NUBPL: variants seen among roughly 807,000 people sequenced by gnomAD.
NUBPL encodes NUBP iron-sulfur cluster assembly factor, mitochondrial.
NUBPL carries 31 observed loss-of-function variants against 45.7 expected under a neutral mutation model. That is an observed-to-expected ratio of 0.68 (90% CI 0.51 to 0.92). The LOEUF is 0.92. NUBPL is among the 40% of genes least tolerant of loss of function. The pLI is 0.00. For missense variants in NUBPL, 401 were observed against 398.7 expected (o/e 1.01, Z -0.05); for synonymous variants, 144 against 140.9 (o/e 1.02, Z -0.15).
chr14:31,755,088 C>T (rs2038627768), intron 6 of NUBPL, among the ~76,000 whole-genome samples: 4 of 151,772 alleles, frequency 2.6e-5, no homozygotes, highest in African/African-American at 9.7e-5. Flanking sequence ...TTTCTTAATC[C>T]AGTCTATCAT....
intron 6 of NUBPL, among the ~76,000 whole-genome samples, chr14:31,741,805 C>G (rs893779472): frequency 1.4e-5 from 2 of 146,668 alleles, no homozygotes; most frequent in Non-Finnish European, 2.9e-5. Flanking sequence ...GTCTACCTGT[C>G]TAATTTTTGG....
At chr14:31,727,128 G>T (rs2139965994) in intron 6 of NUBPL, among the ~76,000 whole-genome samples, 1 of 152,260 alleles carries the variant, frequency 6.6e-6, no homozygotes, top group South Asian at 2.1e-4. Context: ...AGAAAATAGT[G>T]TCATTTAAGG....
intron 7 of NUBPL, among the ~76,000 whole-genome samples, chr14:31,810,053 G>T (rs1446051247): frequency 2.0e-5 from 3 of 152,070 alleles, no homozygotes; most frequent in Non-Finnish European, 4.4e-5. Context: ...GGTCAATTTT[G>T]GAATAAGTGT....
intron 6 of NUBPL, among the ~76,000 whole-genome samples, chr14:31,690,939 T>G (rs954218048): frequency 6.6e-6 from 1 of 152,168 alleles, no homozygotes; most frequent in South Asian, 2.1e-4. Flanking sequence ...CAACATGGCA[T>G]AAGGATTTTG....
chr14:31,716,470 T>C lies in NUBPL; in HGVS notation c.513+42896T>C, dbSNP rs115214381. Among the ~76,000 whole-genome samples, 991 of 152,310 alleles carry C rather than the reference T, an allele frequency of 6.5e-3. 12 individuals carry two copies. Among genetic ancestry groups the C allele is most frequent in the African/African-American group, 0.022 (926 of 41,566 alleles). On this transcript the variant is annotated intron_variant, in intron 6 of 10. Coordinates refer to ENST00000281081, the MANE Select transcript of NUBPL (RefSeq NM_025152.3). Reference sequence around the variant, plus strand: ...TTGTGCTATGATGTTAAGACAGTTATGACTTTACAACAGCTATGATGTCAC... The same window carrying C: ...TTGTGCTATGATGTTAAGACAGTTACGACTTTACAACAGCTATGATGTCAC...
At chr14:31,669,110 A>G (rs1435004278) in intron 4 of NUBPL, among the ~76,000 whole-genome samples, 1 of 151,946 alleles carries the variant, frequency 6.6e-6, no homozygotes, top group Non-Finnish European at 1.5e-5. Context: ...TGACTCTCGA[A>G]CTTCAGCCTC....
chr14:31,636,520 A>T (rs1042185509), intron 4 of NUBPL, among the ~76,000 whole-genome samples: 2 of 152,086 alleles, frequency 1.3e-5, no homozygotes, highest in Non-Finnish European at 2.9e-5. Flanking sequence ...TTTTGCATCA[A>T]TGTTCATCAA....
intron 7 of NUBPL, among the ~76,000 whole-genome samples, chr14:31,820,913 G>A (rs1164723163): frequency 6.6e-6 from 1 of 150,408 alleles, no homozygotes; most frequent in Non-Finnish European, 1.5e-5. Context: ...CTGAGGTCAG[G>A]GGTTCGAGAC....
chr14:31,835,774 T>G (rs2040272107), intron 8 of NUBPL, among the ~76,000 whole-genome samples: 1 of 152,182 alleles, frequency 6.6e-6, no homozygotes, highest in Non-Finnish European at 1.5e-5. Flanking sequence ...TTTTTAAAAC[T>G]TATAACATCC....
chr14:31,627,969 ATTGT>A (rs796527025), intron 4 of NUBPL, among the ~76,000 whole-genome samples: 6 of 152,290 alleles, frequency 3.9e-5, no homozygotes, highest in African/African-American at 1.4e-4. Context: ...GAAGAGTGGC[ATTGT>A]TTATGTTTTT....
intron 4 of NUBPL, among the ~76,000 whole-genome samples, chr14:31,629,833 T>G (rs1321967253): frequency 1.3e-5 from 2 of 152,168 alleles, no homozygotes; most frequent in African/African-American, 4.8e-5. Flanking sequence ...TCAGTTTCCC[T>G]CTTCCTGTCA....
rs565699914 is a variant in NUBPL, at chr14:31,670,338, C to T, written c.383-3017C>T. On this transcript the variant is annotated intron_variant, in intron 4 of 10. Transcript: ENST00000281081. ...CTTTTAATGGGGTTGTTTTTCTCTT[C>T]TAAATTTAACTTCCTTATAGAGGCT... is the stretch of plus-strand genomic sequence containing the variant. 6.6e-5 allele frequency among the ~76,000 whole-genome samples: 10 copies of T among 151,736 alleles called. 1 individual carries two copies. The East Asian group carries it at 1.7e-3, about 26-fold the overall frequency.
chr14:31,668,147 A>G (rs992453843), intron 4 of NUBPL, among the ~76,000 whole-genome samples: 4 of 152,222 alleles, frequency 2.6e-5, no homozygotes, highest in African/African-American at 4.8e-5. Flanking sequence ...AGTCAGCTGA[A>G]GCTGCATCCA....
chr14:31,808,215 G>T (rs2039728545), intron 7 of NUBPL, among the ~76,000 whole-genome samples: 1 of 152,174 alleles, frequency 6.6e-6, no homozygotes, highest in Non-Finnish European at 1.5e-5. Context: ...CCCTTGGGCA[G>T]TATGGCCATT....
intron 7 of NUBPL, among the ~76,000 whole-genome samples, chr14:31,791,917 G>C (rs1420700569): frequency 6.6e-6 from 1 of 152,180 alleles, no homozygotes; most frequent in East Asian, 1.9e-4. Flanking sequence ...GCGATTGCCT[G>C]TTAATAATAA....
At chr14:31,808,840 T>C (rs1595661148) in intron 7 of NUBPL, among the ~76,000 whole-genome samples, 1 of 152,216 alleles carries the variant, frequency 6.6e-6, no homozygotes, top group East Asian at 1.9e-4. Flanking sequence ...CTGTTGAATT[T>C]TGTCAAAGGC....
chr14:31,857,524 T>C (rs2139023760), intron 10 of NUBPL, among the ~76,000 whole-genome samples: 1 of 152,334 alleles, frequency 6.6e-6, no homozygotes, highest in East Asian at 1.9e-4. Flanking sequence ...AGTGTTAGGC[T>C]GCAAATTTTC....
At chr14:31,704,870 G>A (rs1387895568) in intron 6 of NUBPL, among the ~76,000 whole-genome samples, 4 of 152,162 alleles carry the variant, frequency 2.6e-5, no homozygotes, top group Admixed American at 2.0e-4. Flanking sequence ...GAATGAAGCC[G>A]CGGACCCTTG....
chr14:31,680,448 T>G (rs1314849217), intron 6 of NUBPL, among the ~76,000 whole-genome samples: 2 of 152,160 alleles, frequency 1.3e-5, no homozygotes, highest in Admixed American at 6.5e-5. Flanking sequence ...GTTGAATTTT[T>G]TCAAATGCTT....
Sources: allele counts gnomAD v4.1 joint callset (sites outside exome capture counted in the v4.1 genomes callset), GRCh38; gene constraint gnomAD v4.1.1; transcripts MANE v1.5; gene names NCBI Gene and HGNC (gene_info 2026-07-23, HGNC 2026-07-21).